CRBN: variants seen among roughly 807,000 people sequenced by gnomAD.
CRBN encodes protein cereblon.
Under a neutral mutation model 62.2 loss-of-function variants are expected in CRBN, and 53 were observed. The observed-to-expected ratio is 0.85, with a 90% CI of 0.68 to 1.07. The LOEUF (loss-of-function observed/expected upper bound fraction) is 1.07. CRBN is among the 50% of genes least tolerant of loss of function. The pLI is 0.00. For missense variants in CRBN, 616 were observed against 531.1 expected (o/e 1.16, Z -1.57); for synonymous variants, 208 against 176.1 (o/e 1.18, Z -1.43).
chr3:3,170,900 G>C (rs1409329839), intron 4 of CRBN, among the ~76,000 whole-genome samples: 2 of 152,108 alleles, frequency 1.3e-5, no homozygotes, highest in Non-Finnish European at 2.9e-5. Flanking sequence ...CTGCCTCCCG[G>C]GTTCAAGCGA....
chr3:3,164,897 T>A (rs1185004875), intron 5 of CRBN, among the ~76,000 whole-genome samples: 1 of 152,212 alleles, frequency 6.6e-6, no homozygotes, highest in Non-Finnish European at 1.5e-5. Context: ...CTGATGGATC[T>A]GGAAAAAGTA....
chr3:3,160,688 T>C (rs998204324), intron 5 of CRBN, among the ~76,000 whole-genome samples: 1 of 152,220 alleles, frequency 6.6e-6, no homozygotes, highest in Non-Finnish European at 1.5e-5. Context: ...CACAAGGAAA[T>C]GTTAATCAAT....
intron 1 of CRBN, among the ~76,000 whole-genome samples, chr3:3,178,479 T>C (rs1707923693): frequency 6.6e-6 from 1 of 152,188 alleles, no homozygotes; most frequent in Non-Finnish European, 1.5e-5. Flanking sequence ...AGATGCCAGT[T>C]TCCCAGCAAC....
chr3:3,155,689 T>C (rs1706854868), intron 6 of CRBN: 1 of 155,840 alleles, frequency 6.4e-6, no homozygotes, highest in African/African-American at 2.4e-5. Flanking sequence ...TAAGTTAATA[T>C]ACTTGTTTAG....
At chr3:3,157,614 G>T (rs1702186828) in intron 5 of CRBN, among the ~76,000 whole-genome samples, 2 of 152,178 alleles carry the variant, frequency 1.3e-5, no homozygotes, top group African/African-American at 2.4e-5. Flanking sequence ...AAGTGCCGGA[G>T]TAAGATCTGC....
chr3:3,167,670 G>C lies in CRBN; in HGVS notation c.651C>G (p.Asp217Glu), dbSNP rs141645088. ...TCTGCCACCATTTATATGAACATTG[G>C]TCTTCTCTTGAGACAGGTTTTGAAG... ...IFPSKPVSRE[D>E]QCSYKWWQKY... Residue 217 changes from aspartate to glutamate, a missense_variant, in exon 5 of 11, where the codon GAC becomes GAG. Physicochemically the swap from Asp to Glu is conservative, Grantham distance 45. Transcript: ENST00000231948. 1.2e-6 allele frequency: 2 copies of C among 1,613,196 alleles called. No individual in the cohort carries two copies. The highest frequency in any genetic ancestry group is 8.5e-7 in the Non-Finnish European group (1 of 1,179,462).
intron 5 of CRBN, 58 bp downstream of exon 5, chr3:3,167,576 A>G (rs770286004): frequency 6.6e-7 from 1 of 1,513,954 alleles, no homozygotes; most frequent in Non-Finnish European, 9.1e-7. Context: ...TTCTTAAAAC[A>G]GGAAAAAAAA....
intron 5 of CRBN, among the ~76,000 whole-genome samples, chr3:3,167,119 A>C (rs1707382112): frequency 6.6e-6 from 1 of 152,088 alleles, no homozygotes; most frequent in African/African-American, 2.4e-5. Context: ...ATAACATAGG[A>C]ATTAGTGCCC....
rs535059368 is a variant in CRBN at position 3,161,973 on chromosome 3, A to T, written c.687+5661T>A. ...ACGTATCCTTCTGTATAAGAAAGAAATAAGAACATTTGTATCTAGATAAAA... is the reference window on the plus strand; with the variant it reads ...ACGTATCCTTCTGTATAAGAAAGAATTAAGAACATTTGTATCTAGATAAAA... On this transcript the variant is annotated intron_variant, in intron 5 of 10. Coordinates refer to ENST00000231948, the MANE Select transcript of CRBN (RefSeq NM_016302.4). Among the ~76,000 whole-genome samples, 6 of 152,366 alleles carry T rather than the reference A, an allele frequency of 3.9e-5. 1 individual carries two copies. The South Asian group carries it at 1.2e-3, about 32-fold the overall frequency.
In CRBN at chr3:3,174,171, T is replaced by TCA; in HGVS notation, c.263_264dup (p.Met89Ter). The TCA allele has an allele frequency of 1.2e-6, 2 of 1,614,174 alleles. No homozygotes were observed. The highest frequency in any genetic ancestry group is 1.7e-6 in the Non-Finnish European group (2 of 1,180,026). ...AATGTCTGTCCGGGAATCAGGATCA[T>TCA]CATCACTTGTGGAAGAACTGGAATC... On this transcript the variant is annotated frameshift_variant, in exon 3 of 11. Transcript: ENST00000231948. LOFTEE classifies it high-confidence loss of function.
At chr3:3,151,400 G>GCAGT (rs1167226612) in intron 10 of CRBN, among the ~76,000 whole-genome samples, 2 of 152,112 alleles carry the variant, frequency 1.3e-5, no homozygotes, top group Admixed American at 6.6e-5. Flanking sequence ...TTGTTGTATT[G>GCAGT]CAGTCAAGTT....
At chr3:3,161,842 T>C (rs190913070) in intron 5 of CRBN, among the ~76,000 whole-genome samples, 29 of 152,372 alleles carry the variant, frequency 1.9e-4, no homozygotes, top group Non-Finnish European at 3.5e-4. Flanking sequence ...GGACTGGTTA[T>C]ACAGTGTATC....
At chr3:3,172,654 G>T in intron 4 of CRBN, 122 bp downstream of exon 4, 1 of 1,012,626 alleles carries the variant, frequency 9.9e-7, no homozygotes, top group East Asian at 2.4e-5. Context: ...TACCTTAGAA[G>T]GGAAAGAGAA....
At chr3:3,162,464 G>A (rs1167687768) in intron 5 of CRBN, among the ~76,000 whole-genome samples, 1 of 152,048 alleles carries the variant, frequency 6.6e-6, no homozygotes, top group Non-Finnish European at 1.5e-5. Flanking sequence ...TAGATGGAGT[G>A]GGTTTTGAAA....
chr3:3,151,172 G>T (rs1479491458), intron 10 of CRBN, 127 bp from the exon 11 acceptor site: 4 of 985,576 alleles, frequency 4.1e-6, no homozygotes, highest in Non-Finnish European at 6.1e-6. Flanking sequence ...GTTGAGATTT[G>T]ATCCATACAG....
Position 3,156,206 on chromosome 3 carries a change from G to A in CRBN, c.750+13C>T. The A allele has an allele frequency of 6.2e-7, 1 of 1,602,356 alleles. No homozygotes were observed. On this transcript the variant is annotated intron_variant, in intron 6 of 10. Coordinates refer to ENST00000231948, the MANE Select transcript of CRBN (RefSeq NM_016302.4). ...CTACCATATATAAAGTAAATTTAAG[G>A]TAAGTTACTTACAGCATCATATAAG...
intron 3 of CRBN, 97 bp from the exon 4 acceptor site, chr3:3,173,022 G>T: frequency 1.1e-6 from 1 of 884,670 alleles, no homozygotes; most frequent in Non-Finnish European, 1.9e-6. Flanking sequence ...ACAATTTATA[G>T]AATCAACCCT....
chr3:3,165,317 C>T (rs1437909487), intron 5 of CRBN, among the ~76,000 whole-genome samples: 1 of 152,212 alleles, frequency 6.6e-6, no homozygotes, highest in Non-Finnish European at 1.5e-5. Flanking sequence ...ACAGGACTGA[C>T]TCCAATTTTG....
intron 1 of CRBN, 29 bp downstream of exon 1, chr3:3,179,592 G>A (rs1196719607): frequency 2.5e-6 from 4 of 1,609,262 alleles, no homozygotes; most frequent in Non-Finnish European, 2.6e-6. Flanking sequence ...CCCCACTCCC[G>A]ACTACAGGGA....
Sources: allele counts gnomAD v4.1 joint callset (sites outside exome capture counted in the v4.1 genomes callset), GRCh38; gene constraint gnomAD v4.1.1; transcripts MANE v1.5; gene names NCBI Gene and HGNC (gene_info 2026-07-23, HGNC 2026-07-21).